The following FAM178B variants were observed in gnomAD, a reference collection of about 807,000 sequenced individuals.
FAM178B encodes the protein protein FAM178B.
Under a neutral mutation model 91.7 loss-of-function variants are expected in FAM178B, and 82 were observed. That is an observed-to-expected ratio of 0.89 (90% CI 0.75 to 1.07). FAM178B has a LOEUF of 1.07. FAM178B is among the 50% of genes least tolerant of loss of function. The probability of loss-of-function intolerance (pLI) is 0.00; values close to 1 mark genes in which losing one functional copy is unlikely to be tolerated. For missense variants in FAM178B, 769 were observed against 846.7 expected (o/e 0.91, Z 1.14); for synonymous variants, 368 against 359.4 (o/e 1.02, Z -0.27).
intron 13 of FAM178B, among the ~76,000 whole-genome samples, chr2:96,899,362 C>T (rs116657049): frequency 0.015 from 2,218 of 152,324 alleles, 21 homozygotes; most frequent in Non-Finnish European, 0.023. Context: ...GCTGTCTCCC[C>T]AGTGCCAGTA....
At chr2:96,940,769 T>C (rs2081716145) in intron 8 of FAM178B, among the ~76,000 whole-genome samples, 3 of 152,254 alleles carry the variant, frequency 2.0e-5, no homozygotes. Flanking sequence ...TGTAAGTGTA[T>C]ACATTATACA....
At chr2:96,967,685 T>A in intron 4 of FAM178B, 58 bp from the exon 5 acceptor site, 1 of 1,205,744 alleles carries the variant, frequency 8.3e-7, no homozygotes, top group Non-Finnish European at 1.2e-6. Flanking sequence ...CGTGCAACCC[T>A]GTCACTGGGC....
chr2:96,878,347 C>T, intron 15 of FAM178B, 69 bp downstream of exon 15: 8 of 1,466,122 alleles, frequency 5.5e-6, no homozygotes, highest in African/African-American at 1.4e-5. Flanking sequence ...TCCCAGCCAA[C>T]CCCCGCCGCT....
chr2:96,877,751 T>TC (rs2153366930), intron 16 of FAM178B, 139 bp downstream of exon 16: 1 of 829,240 alleles, frequency 1.2e-6, no homozygotes, highest in South Asian at 1.7e-5. Context: ...TCCCCACCCT[T>TC]CCCCCACATG....
chr2:96,895,940 G>A (rs2080814261), intron 13 of FAM178B, among the ~76,000 whole-genome samples: 2 of 152,230 alleles, frequency 1.3e-5, no homozygotes, highest in Non-Finnish European at 2.9e-5. Context: ...GGCGGCCAGG[G>A]CTTCTCAGCC....
intron 6 of FAM178B, 31 bp from the exon 7 acceptor site, chr2:96,951,515 G>T: frequency 3.3e-6 from 5 of 1,502,222 alleles, no homozygotes; most frequent in Non-Finnish European, 3.6e-6. Flanking sequence ...GTTAGGGGAG[G>T]CCTCTGTGCC....
chr2:96,949,977 C>T, intron 7 of FAM178B: 1 of 985,686 alleles, frequency 1.0e-6, no homozygotes, highest in African/African-American at 1.7e-5. Context: ...CCAAGTCTGT[C>T]TGTCTGACCT....
chr2:96,899,246 C>T (rs1357852126), intron 13 of FAM178B, among the ~76,000 whole-genome samples: 1 of 152,252 alleles, frequency 6.6e-6, no homozygotes, highest in East Asian at 1.9e-4. Flanking sequence ...CCTCCAAGAC[C>T]TGGCTCAGGG....
chr2:96,888,973 T>C (rs992926128), intron 14 of FAM178B, among the ~76,000 whole-genome samples: 2 of 152,206 alleles, frequency 1.3e-5, no homozygotes, highest in Admixed American at 6.5e-5. Context: ...GAGCATGAGC[T>C]GGGGACCTTA....
chr2:96,925,455 A>G lies in FAM178B; in HGVS notation c.1194-1872T>C, dbSNP rs1382773307. On this transcript the variant is annotated intron_variant, in intron 9 of 16. Coordinates refer to ENST00000490605, the MANE Select transcript of FAM178B (RefSeq NM_001122646.3). ...CTAATCCTCGCTTTTCAGAGGAATC[A>G]CTTGACTAAACTGCTGGCATCTGTG... is the stretch of plus-strand genomic sequence containing the variant. Among the ~76,000 whole-genome samples, 4 of 152,178 alleles carry G rather than the reference A, an allele frequency of 2.6e-5. No individual in the cohort carries two copies. In the East Asian group the frequency reaches 5.8e-4, roughly 22 times the overall value.
intron 10 of FAM178B, among the ~76,000 whole-genome samples, chr2:96,922,210 C>T (rs546127749): frequency 6.6e-6 from 1 of 152,300 alleles, no homozygotes; most frequent in Admixed American, 6.5e-5. Context: ...GGGTAAGAAC[C>T]CTCAGTTCTG....
chr2:96,946,488 C>T (rs1287035765), intron 8 of FAM178B, among the ~76,000 whole-genome samples: 1 of 152,198 alleles, frequency 6.6e-6, no homozygotes, highest in African/African-American at 2.4e-5. Flanking sequence ...TAGGCCAGTC[C>T]CTGGTCCCCT....
At chr2:96,925,348 C>G (rs1235379365) in intron 9 of FAM178B, among the ~76,000 whole-genome samples, 1 of 152,164 alleles carries the variant, frequency 6.6e-6, no homozygotes, top group Non-Finnish European at 1.5e-5. Flanking sequence ...GAAATGTCAG[C>G]CTTCCCAAGT....
chr2:96,944,379 C>T (rs1340639030), intron 8 of FAM178B, among the ~76,000 whole-genome samples: 1 of 152,092 alleles, frequency 6.6e-6, no homozygotes, highest in African/African-American at 2.4e-5. Flanking sequence ...AACAACATGG[C>T]AAGTGACCTC....
intron 7 of FAM178B, 22 bp downstream of exon 7, chr2:96,951,357 G>A: frequency 1.3e-6 from 2 of 1,528,460 alleles, no homozygotes; most frequent in East Asian, 4.9e-5. Flanking sequence ...CCGCCACCTA[G>A]TGGCAGGCCT....
At chr2:96,960,144 A>G (rs767865032) in intron 6 of FAM178B, 144 bp downstream of exon 6, 6 of 817,402 alleles carry the variant, frequency 7.3e-6, no homozygotes, top group South Asian at 3.8e-5. Flanking sequence ...AATGTCACCT[A>G]TATCTCTAAA....
intron 12 of FAM178B, among the ~76,000 whole-genome samples, chr2:96,906,698 GCCCCACA>G (rs1350678141): frequency 6.6e-6 from 1 of 152,166 alleles, no homozygotes; most frequent in Non-Finnish European, 1.5e-5. Context: ...CCACCCCGTG[GCCCCACA>G]CCCAGAGCCC....
At chr2:96,964,816 T>C (rs2082124257) in intron 5 of FAM178B, among the ~76,000 whole-genome samples, 1 of 152,070 alleles carries the variant, frequency 6.6e-6, no homozygotes, top group African/African-American at 2.4e-5. Flanking sequence ...GACCTCTAAA[T>C]CATACGTCAA....
chr2:96,894,908 C>G (rs2080789121), intron 13 of FAM178B, among the ~76,000 whole-genome samples: 3 of 141,086 alleles, frequency 2.1e-5, no homozygotes, highest in African/African-American at 8.0e-5. Flanking sequence ...CTCACCCACA[C>G]TCACCCACAC....
Sources: gnomAD v4.1 joint callset for allele counts (sites outside exome capture counted in the v4.1 genomes callset) on GRCh38, gnomAD v4.1.1 for gene constraint, MANE v1.5 for transcripts, NCBI Gene and HGNC (gene_info 2026-07-23, HGNC 2026-07-21) for gene names.